MTMR2: variants seen among roughly 807,000 people sequenced by gnomAD.
MTMR2 encodes the protein phosphatidylinositol-3,5-bisphosphate 3-phosphatase MTMR2.
A neutral mutation model predicts 86.9 loss-of-function variants in MTMR2; 55 were observed. The ratio of observed to expected loss-of-function variants is 0.63; its 90% CI spans 0.51 to 0.79. The LOEUF (loss-of-function observed/expected upper bound fraction) is 0.79, where lower values mean the gene tolerates loss of function less well. MTMR2 is among the 30% of genes least tolerant of loss of function. MTMR2 has a pLI of 0.00. For synonymous variants in MTMR2, 241 were observed against 266.8 expected (o/e 0.90, Z 0.94); for missense variants, 659 against 772.3 (o/e 0.85, Z 1.74).
At chr11:95,915,841 G>C (rs183994043) in intron 1 of MTMR2, among the ~76,000 whole-genome samples, 4 of 152,238 alleles carry the variant, frequency 2.6e-5, no homozygotes, top group Non-Finnish European at 5.9e-5. Flanking sequence ...CTCTTCAAGT[G>C]AAATACAATA....
intron 2 of MTMR2, among the ~76,000 whole-genome samples, chr11:95,877,891 T>C (rs1865184394): frequency 6.6e-6 from 1 of 152,144 alleles, no homozygotes; most frequent in Non-Finnish European, 1.5e-5. Context: ...TCCAGAACTA[T>C]GAAAGAATAA....
intron 2 of MTMR2, among the ~76,000 whole-genome samples, chr11:95,872,475 CTT>C (rs1319592817): frequency 1.3e-5 from 2 of 152,170 alleles, no homozygotes; most frequent in African/African-American, 4.8e-5. Flanking sequence ...TATCCTGAGA[CTT>C]TGCTGAAGTT....
At chr11:95,870,113 T>C (rs1373684653) in intron 2 of MTMR2, among the ~76,000 whole-genome samples, 1 of 152,220 alleles carries the variant, frequency 6.6e-6, no homozygotes, top group Non-Finnish European at 1.5e-5. Context: ...AAACTACTAA[T>C]GTCTGCAATT....
At chr11:95,864,313 C>G (rs185631802) in intron 3 of MTMR2, among the ~76,000 whole-genome samples, 1 of 151,896 alleles carries the variant, frequency 6.6e-6, no homozygotes, top group Non-Finnish European at 1.5e-5. Context: ...AGTCCTAGGG[C>G]GTGTTGCTAT....
intron 7 of MTMR2, among the ~76,000 whole-genome samples, chr11:95,850,981 C>T (rs1863994480): frequency 6.6e-6 from 1 of 150,470 alleles, no homozygotes; most frequent in African/African-American, 2.4e-5. Flanking sequence ...GACATTAATT[C>T]ACTAAATATT....
intron 1 of MTMR2, among the ~76,000 whole-genome samples, chr11:95,895,743 T>G (rs1262002999): frequency 6.6e-6 from 1 of 152,056 alleles, no homozygotes; most frequent in African/African-American, 2.4e-5. Context: ...CCAGCAATTC[T>G]ACTCCTAAAA....
rs1380458927 is a variant in MTMR2 at position 95,882,873 on chromosome 11, C to T, written c.186+5283G>A. 2.7e-5 allele frequency among the ~76,000 whole-genome samples: 4 copies of T among 148,624 alleles called. No homozygotes were observed. The East Asian group carries it at 7.9e-4, about 29-fold the overall frequency. On this transcript the variant is annotated intron_variant, in intron 2 of 14. Coordinates refer to ENST00000346299, the MANE Select transcript of MTMR2 (RefSeq NM_016156.6). The stretch of plus-strand genomic sequence containing the variant: ...GAGTAGCTGGGACTACAGGCGCCCG[C>T]CACCACATCCAGCTAATTTTTTTTT...
At chr11:95,896,962 T>C (rs1049072887) in intron 1 of MTMR2, among the ~76,000 whole-genome samples, 3 of 151,078 alleles carry the variant, frequency 2.0e-5, no homozygotes, top group African/African-American at 7.3e-5. Flanking sequence ...TTCACTGGGA[T>C]GGTTAAAGAA....
chr11:95,835,177 A>G lies in MTMR2; in HGVS notation c.*113T>C, dbSNP rs544104691. ...TCCTAGAGAGATTTAAAATAAATAA[A>G]GTGACTGAACTTTCTCTCATAGATG... On this transcript the variant is annotated 3_prime_UTR_variant, in exon 15 of 15. Transcript: ENST00000346299. 3.6e-5 allele frequency: 41 copies of G among 1,131,442 alleles called. No homozygotes were observed. The African/African-American group carries it at 5.1e-4, about 14-fold the overall frequency. The allele number at this position is 1,131,442 out of a possible 1,614,324, so 70.1% of individuals were successfully genotyped here. A position where few individuals can be genotyped will look rare whatever the true frequency, so the allele number is the denominator to read the frequency against.
At chr11:95,839,868 A>C (rs958798648) in intron 12 of MTMR2, 1 of 152,210 alleles carries the variant, frequency 6.6e-6, no homozygotes, top group African/African-American at 2.4e-5. Context: ...GTATAAAATA[A>C]AGATGGCTAC....
chr11:95,856,710 A>G (rs1269570247), intron 7 of MTMR2, among the ~76,000 whole-genome samples: 2 of 152,034 alleles, frequency 1.3e-5, no homozygotes, highest in African/African-American at 4.8e-5. Context: ...ATTTTTTTTC[A>G]GTAATAATTT....
At chr11:95,907,385 T>A (rs769047176) in intron 1 of MTMR2, among the ~76,000 whole-genome samples, 4 of 151,420 alleles carry the variant, frequency 2.6e-5, no homozygotes, top group Admixed American at 6.6e-5. Context: ...GCCTAACAAC[T>A]AGAAAAAGCC....
At position 95,914,398 on chromosome 11, in the gene MTMR2, G is replaced by T. The variant is rs1451640998; in HGVS notation, c.80+9477C>A. 1.7e-5 allele frequency: 17 copies of T among 984,390 alleles called. No individual in the cohort carries two copies. The East Asian group carries it at 1.9e-3, about 112-fold the overall frequency. The allele number at this position is 984,390 out of a possible 1,614,324, so 61.0% of individuals were successfully genotyped here. ...CTAAATCATTGTGCAAAGCCTGCAG[G>T]GCAGGGAGTGGTGGGGAGGAGGCTT... On this transcript the variant is annotated intron_variant, in intron 1 of 14. Coordinates refer to ENST00000346299, the MANE Select transcript of MTMR2 (RefSeq NM_016156.6).
At chr11:95,913,213 A>G (rs1011927300) in intron 1 of MTMR2, 1 of 152,096 alleles carries the variant, frequency 6.6e-6, no homozygotes, top group South Asian at 2.1e-4. Flanking sequence ...GGTTCTATAG[A>G]CAGGAAATAC....
chr11:95,854,401 CA>C (rs1565354283), intron 7 of MTMR2, among the ~76,000 whole-genome samples: 1 of 152,116 alleles, frequency 6.6e-6, no homozygotes, highest in Non-Finnish European at 1.5e-5. Context: ...AACTGTTTTC[CA>C]AGTTTGTTAA....
Position 95,833,551 on chromosome 11 carries a change from A to G in MTMR2, c.*1739T>C, listed in dbSNP as rs905852546. 6.6e-6 allele frequency: 1 copy of G among 152,080 alleles called. No homozygotes were observed. The highest frequency in any genetic ancestry group is 1.5e-5 in the Non-Finnish European group (1 of 67,984). The allele number at this position is 152,080 out of a possible 1,614,324, so 9.4% of individuals were successfully genotyped here. A position where few individuals can be genotyped will look rare whatever the true frequency, so the allele number is the denominator to read the frequency against. On this transcript the variant is annotated 3_prime_UTR_variant, in exon 15 of 15. Coordinates refer to ENST00000346299, the MANE Select transcript of MTMR2 (RefSeq NM_016156.6). Reference sequence around the variant, plus strand: ...AACCACTGGAAGGTTCTCAGCAGAGAAGTGGTAGGGTTGCACTTAGATTTC... The same window carrying G: ...AACCACTGGAAGGTTCTCAGCAGAGGAGTGGTAGGGTTGCACTTAGATTTC...
At chr11:95,901,834 A>C (rs1866086063) in intron 1 of MTMR2, among the ~76,000 whole-genome samples, 1 of 152,214 alleles carries the variant, frequency 6.6e-6, no homozygotes, top group Non-Finnish European at 1.5e-5. Flanking sequence ...CTGGATTTGG[A>C]AACAGGTTAA....
chr11:95,844,946 T>G lies in MTMR2; in HGVS notation c.1386+7A>C. 1 of 1,584,356 alleles carries G rather than the reference T, an allele frequency of 6.3e-7. No individual in the cohort carries two copies. Among genetic ancestry groups the G allele is most frequent in the Non-Finnish European group, 8.7e-7 (1 of 1,155,842 alleles). On this transcript the variant is annotated splice_region_variant and intron_variant, in intron 11 of 14. Coordinates refer to ENST00000346299, the MANE Select transcript of MTMR2 (RefSeq NM_016156.6). Reference sequence around the variant, plus strand: ...TGATATATCCAAAGTCAAGGTTCCTTACTTACTAGTTGAAATCGATGTCCA... The same window carrying G: ...TGATATATCCAAAGTCAAGGTTCCTGACTTACTAGTTGAAATCGATGTCCA...
intron 2 of MTMR2, chr11:95,887,846 A>T (rs978337884): frequency 2.9e-6 from 1 of 340,992 alleles, no homozygotes; most frequent in East Asian, 7.6e-5. Context: ...CACAGTACAT[A>T]TTCAATAAAT....
Sources: allele counts gnomAD v4.1 joint callset (sites outside exome capture counted in the v4.1 genomes callset), GRCh38; gene constraint gnomAD v4.1.1; transcripts MANE v1.5; gene names NCBI Gene and HGNC (gene_info 2026-07-23, HGNC 2026-07-21).